The following CBFB variants were observed in gnomAD, a reference collection of about 807,000 sequenced individuals.
CBFB encodes core-binding factor subunit beta.
CBFB carries 9 observed loss-of-function variants against 30.4 expected under a neutral mutation model. That is an observed-to-expected ratio of 0.30 (90% CI 0.18 to 0.52). The LOEUF is 0.52. Ranked by LOEUF, CBFB falls within the 20% of genes least tolerant of loss-of-function variation. The pLI is 0.97. For missense variants in CBFB, 170 were observed against 244.0 expected, an observed-to-expected ratio of 0.70 and a Z score of 2.02; for synonymous variants, 94 against 84.0, an observed-to-expected ratio of 1.12 and a Z score of -0.65.
At chr16:67,079,232 G>A (rs1161739279) in intron 4 of CBFB, among the ~76,000 whole-genome samples, 1 of 152,104 alleles carries the variant, frequency 6.6e-6, no homozygotes, top group Non-Finnish European at 1.5e-5. Context: ...TTGTTATAAA[G>A]TATTACTATG....
chr16:67,031,814 TGTTTCGTTTTTTTTTTTTAAGAG>T (rs1246553847), intron 2 of CBFB, among the ~76,000 whole-genome samples: 1 of 151,714 alleles, frequency 6.6e-6, no homozygotes, highest in Non-Finnish European at 1.5e-5. Context: ...CGTCTGGTCT[TGTTTCGTTTTTTTTTTTTAAGAG>T]AGAGGTCTTG....
At chr16:67,090,862 A>G (rs1961860890) in intron 5 of CBFB, among the ~76,000 whole-genome samples, 1 of 152,138 alleles carries the variant, frequency 6.6e-6, no homozygotes, top group African/African-American at 2.4e-5. Context: ...ACAGGCAAAA[A>G]GTTTTATGTG....
At chr16:67,094,141 A>T (rs1961975491) in intron 5 of CBFB, among the ~76,000 whole-genome samples, 1 of 143,362 alleles carries the variant, frequency 7.0e-6, no homozygotes. Flanking sequence ...TTTTTTTTAA[A>T]GAGATGGGGA....
chr16:67,078,671 G>C (rs535445738), intron 4 of CBFB, among the ~76,000 whole-genome samples: 241 of 152,208 alleles, frequency 1.6e-3, no homozygotes, highest in African/African-American at 5.5e-3. Context: ...GTTTTGAAAT[G>C]GAGTTTCGCT....
At chr16:67,057,722 A>G (rs1960771654) in intron 3 of CBFB, among the ~76,000 whole-genome samples, 1 of 152,074 alleles carries the variant, frequency 6.6e-6, no homozygotes, top group Non-Finnish European at 1.5e-5. Flanking sequence ...ATTCTTTTCC[A>G]CATGGTTAGC....
chr16:67,029,412 C>T lies in CBFB; in HGVS notation c.5C>T (p.Pro2Leu), dbSNP rs1185534018. Residue 2 changes from proline (P) to leucine (L), a missense_variant, in exon 1 of 6, where the codon CCG becomes CTG. Physicochemically the swap from Pro to Leu is moderately conservative, Grantham distance 98 (BLOSUM62 -3). Transcript: ENST00000412916. MPRVVPDQRSKF... is the reference protein window; with the variant it reads MLRVVPDQRSKF... ...GCGCGGCCTCAGGGCGGGAAGATGCCGCGCGTCGTGCCCGACCAGAGAAGC... is the reference window on the plus strand; with the variant it reads ...GCGCGGCCTCAGGGCGGGAAGATGCTGCGCGTCGTGCCCGACCAGAGAAGC... 1.9e-6 allele frequency: 3 copies of T among 1,561,482 alleles called. No homozygotes were observed. The highest frequency in any genetic ancestry group is 1.7e-6 in the Non-Finnish European group (2 of 1,156,976).
chr16:67,081,720 T>G (rs1308801686), intron 4 of CBFB, among the ~76,000 whole-genome samples: 1 of 151,992 alleles, frequency 6.6e-6, no homozygotes, highest in African/African-American at 2.4e-5. Context: ...GCAGGAGAAT[T>G]GCTGTAATGG....
chr16:67,032,382 G>GTAT (rs1427806239), intron 2 of CBFB, among the ~76,000 whole-genome samples: 5 of 152,194 alleles, frequency 3.3e-5, no homozygotes, highest in African/African-American at 9.7e-5. Flanking sequence ...TTTCTGAGAA[G>GTAT]TATTAAAGGT....
At chr16:67,064,918 A>G (rs1428451104) in intron 3 of CBFB, among the ~76,000 whole-genome samples, 2 of 151,558 alleles carry the variant, frequency 1.3e-5, no homozygotes, top group Non-Finnish European at 2.9e-5. Flanking sequence ...TTTTTGTTTG[A>G]GACAAGTCTC....
intron 5 of CBFB, among the ~76,000 whole-genome samples, chr16:67,086,046 T>G (rs1481078037): frequency 6.6e-6 from 1 of 152,168 alleles, no homozygotes; most frequent in Admixed American, 6.5e-5. Context: ...AATGGGCTGA[T>G]AGCAGCTGAG....
At chr16:67,032,158 G>A (rs952995185) in intron 2 of CBFB, among the ~76,000 whole-genome samples, 10 of 152,134 alleles carry the variant, frequency 6.6e-5, no homozygotes, top group Non-Finnish European at 1.2e-4. Context: ...AGTAGTACAG[G>A]TGGTTAGTGT....
intron 5 of CBFB, among the ~76,000 whole-genome samples, chr16:67,096,056 C>CCCAGCA (rs1962038125): frequency 6.6e-6 from 1 of 151,840 alleles, no homozygotes; most frequent in South Asian, 2.1e-4. Context: ...CGCCTGTAAT[C>CCCAGCA]CCAGCACTTT....
At chr16:67,046,953 T>C (rs924917690) in intron 3 of CBFB, among the ~76,000 whole-genome samples, 5 of 152,174 alleles carry the variant, frequency 3.3e-5, no homozygotes, top group Non-Finnish European at 7.3e-5. Context: ...TTATCTGTTA[T>C]AAGCTTTTCA....
intron 3 of CBFB, among the ~76,000 whole-genome samples, chr16:67,038,297 TAC>T (rs931607267): frequency 4.6e-5 from 7 of 151,144 alleles, no homozygotes; most frequent in Non-Finnish European, 5.9e-5. Flanking sequence ...TATATATATA[TAC>T]ACGTATATAT....
At chr16:67,052,376 C>T (rs768645416) in intron 3 of CBFB, among the ~76,000 whole-genome samples, 3 of 152,068 alleles carry the variant, frequency 2.0e-5, no homozygotes, top group Non-Finnish European at 4.4e-5. Flanking sequence ...CCGAGACCAG[C>T]CTGGTCAACA....
At chr16:67,071,313 G>A (rs748108286) in intron 4 of CBFB, among the ~76,000 whole-genome samples, 1 of 152,162 alleles carries the variant, frequency 6.6e-6, no homozygotes, top group Non-Finnish European at 1.5e-5. Flanking sequence ...CGTTGTTACT[G>A]TACTTGAAGA....
rs1962174152 is a variant in CBFB at position 67,100,075 on chromosome 16, T to A, written c.*1297T>A. 1 of 212,426 alleles carries A rather than the reference T, an allele frequency of 4.7e-6. No homozygotes were observed. The highest frequency in any genetic ancestry group is 7.1e-5 in the East Asian group (1 of 13,992). 13.2% of individuals were successfully genotyped at this position (212,426 alleles called of 1,614,324 possible). ...TACTGTCAAATTGCAACTTTTTTTT[T>A]AGATACAGAGTGGAAAACAGTGCTA... On this transcript the variant is annotated 3_prime_UTR_variant, in exon 6 of 6. Coordinates refer to ENST00000412916, the MANE Select transcript of CBFB (RefSeq NM_022845.3).
intron 3 of CBFB, among the ~76,000 whole-genome samples, chr16:67,048,717 AT>A (rs1289425275): frequency 1.3e-5 from 2 of 148,270 alleles, no homozygotes; most frequent in Non-Finnish European, 3.0e-5. Context: ...CGCCTGGCTA[AT>A]TTTTTTGTAT....
At chr16:67,050,875 C>T (rs1966727742) in intron 3 of CBFB, among the ~76,000 whole-genome samples, 1 of 152,142 alleles carries the variant, frequency 6.6e-6, no homozygotes, top group Non-Finnish European at 1.5e-5. Context: ...GTTATTTGAA[C>T]ATAAGCACTG....
Sources: allele counts gnomAD v4.1 joint callset (sites outside exome capture counted in the v4.1 genomes callset), GRCh38; gene constraint gnomAD v4.1.1; transcripts MANE v1.5; gene names NCBI Gene and HGNC (gene_info 2026-07-23, HGNC 2026-07-21).